Variants in CCSER1 observed in about 807,000 individuals in gnomAD.
CCSER1 encodes the protein serine-rich coiled-coil domain-containing protein 1.
CCSER1 carries 41 observed loss-of-function variants against 82.0 expected under a neutral mutation model. That is an observed-to-expected ratio of 0.50 (90% CI 0.39 to 0.65). CCSER1 has a LOEUF of 0.65. Among genes scored for constraint, CCSER1 ranks in the 30% least tolerant of loss-of-function variants. CCSER1 has a pLI of 0.00. For missense variants in CCSER1, 1,119 were observed against 1,064.2 expected (o/e 1.05, Z -0.72); for synonymous variants, 414 against 383.9 (o/e 1.08, Z -0.92).
intron 10 of CCSER1, among the ~76,000 whole-genome samples, chr4:91,311,818 A>T (rs1433827765): frequency 6.6e-6 from 1 of 151,880 alleles, no homozygotes; most frequent in Non-Finnish European, 1.5e-5. Context: ...ATGCACATAG[A>T]CATCTTTTCA....
At chr4:90,343,355 A>C (rs1223533272) in intron 3 of CCSER1, among the ~76,000 whole-genome samples, 2 of 152,164 alleles carry the variant, frequency 1.3e-5, no homozygotes, top group Non-Finnish European at 2.9e-5. Flanking sequence ...CCTTAAAACT[A>C]GACTCTAGGC....
chr4:90,772,587 G>A (rs1752344027), intron 7 of CCSER1, among the ~76,000 whole-genome samples: 1 of 152,032 alleles, frequency 6.6e-6, no homozygotes, highest in East Asian at 1.9e-4. Context: ...TTCATACTTG[G>A]AAATGTTTCC....
chr4:90,253,696 C>A (rs773134254), intron 1 of CCSER1, among the ~76,000 whole-genome samples: 9 of 152,116 alleles, frequency 5.9e-5, no homozygotes, highest in Non-Finnish European at 1.2e-4. Context: ...TCCATTTCCC[C>A]AATGGGATTC....
At chr4:90,516,378 G>A (rs1387612628) in intron 5 of CCSER1, among the ~76,000 whole-genome samples, 1 of 152,128 alleles carries the variant, frequency 6.6e-6, no homozygotes, top group Non-Finnish European at 1.5e-5. Flanking sequence ...CATTATTTAA[G>A]GGATGGTGTA....
At chr4:91,059,698 T>C (rs1448991226) in intron 9 of CCSER1, among the ~76,000 whole-genome samples, 4 of 151,956 alleles carry the variant, frequency 2.6e-5, no homozygotes, top group South Asian at 4.2e-4. Flanking sequence ...CATATTTCCA[T>C]TTTTTGTGAC....
At chr4:90,944,284 G>A (rs896519506) in intron 9 of CCSER1, among the ~76,000 whole-genome samples, 4 of 151,390 alleles carry the variant, frequency 2.6e-5, no homozygotes, top group South Asian at 2.1e-4. Flanking sequence ...TGTATCCATT[G>A]GAAATTTATT....
chr4:90,225,632 G>C (rs1743026533), intron 1 of CCSER1, among the ~76,000 whole-genome samples: 1 of 152,158 alleles, frequency 6.6e-6, no homozygotes, highest in Non-Finnish European at 1.5e-5. Context: ...ATAGCAATAA[G>C]ATTCTAAAGC....
At chr4:90,579,828 G>A (rs1272169681) in intron 5 of CCSER1, among the ~76,000 whole-genome samples, 4 of 152,052 alleles carry the variant, frequency 2.6e-5, no homozygotes, top group Admixed American at 6.5e-5. Flanking sequence ...AAGACTTCTT[G>A]TGGAGACTGG....
At chr4:90,963,011 C>T (rs959897356) in intron 9 of CCSER1, among the ~76,000 whole-genome samples, 4 of 151,996 alleles carry the variant, frequency 2.6e-5, no homozygotes, top group East Asian at 3.9e-4. Flanking sequence ...GTTTTAAATC[C>T]GAATACCATT....
At chr4:90,874,382 T>C (rs1284471417) in intron 8 of CCSER1, among the ~76,000 whole-genome samples, 1 of 152,122 alleles carries the variant, frequency 6.6e-6, no homozygotes, top group African/African-American at 2.4e-5. Context: ...CTTTTGTTCT[T>C]ATTTTTGTGA....
At chr4:90,572,113 G>C (rs1780186457) in intron 5 of CCSER1, among the ~76,000 whole-genome samples, 1 of 152,158 alleles carries the variant, frequency 6.6e-6, no homozygotes, top group Non-Finnish European at 1.5e-5. Context: ...CTGAAGTACA[G>C]ACTTGCTTAG....
intron 5 of CCSER1, among the ~76,000 whole-genome samples, chr4:90,606,913 T>G (rs1438964232): frequency 6.6e-6 from 1 of 152,220 alleles, no homozygotes; most frequent in Non-Finnish European, 1.5e-5. Context: ...CCACACCAAA[T>G]AGTTATCTTT....
At chr4:91,131,022 T>A (rs549046370) in intron 10 of CCSER1, among the ~76,000 whole-genome samples, 1 of 151,886 alleles carries the variant, frequency 6.6e-6, no homozygotes, top group Admixed American at 6.6e-5. Flanking sequence ...TCTGTATATG[T>A]TTGCATGTAT....
intron 5 of CCSER1, among the ~76,000 whole-genome samples, chr4:90,469,426 T>C (rs1764055824): frequency 6.6e-6 from 1 of 151,998 alleles, no homozygotes; most frequent in African/African-American, 2.4e-5. Context: ...CATATAGTCT[T>C]AATTTTTAAG....
chr4:90,490,402 A>T (rs968393684), intron 5 of CCSER1, among the ~76,000 whole-genome samples: 6 of 152,014 alleles, frequency 3.9e-5, no homozygotes, highest in African/African-American at 1.2e-4. Context: ...GTTTGAGTTC[A>T]TTGTAGATTC....
intron 10 of CCSER1, among the ~76,000 whole-genome samples, chr4:91,162,774 A>G (rs1046781501): frequency 2.0e-5 from 3 of 152,134 alleles, no homozygotes; most frequent in African/African-American, 7.2e-5. Flanking sequence ...ATTGGTGGTC[A>G]TATCCCCTTT....
intron 10 of CCSER1, among the ~76,000 whole-genome samples, chr4:91,223,013 G>A (rs560814376): frequency 4.6e-5 from 7 of 151,958 alleles, no homozygotes; most frequent in African/African-American, 1.7e-4. Context: ...TGATTTATAA[G>A]ATATTAGTTG....
chr4:90,652,462 A>G (rs1728929984), intron 6 of CCSER1, among the ~76,000 whole-genome samples: 1 of 152,124 alleles, frequency 6.6e-6, no homozygotes, highest in African/African-American at 2.4e-5. Flanking sequence ...GTCTGTTTGC[A>G]TGTGTTGGAG....
intron 1 of CCSER1, among the ~76,000 whole-genome samples, chr4:90,155,455 T>C (rs1727910464): frequency 6.6e-6 from 1 of 152,216 alleles, no homozygotes; most frequent in Non-Finnish European, 1.5e-5. Flanking sequence ...GAAGGAATGG[T>C]ACCAGTTCCT....
Sources: gnomAD v4.1 joint callset for allele counts (sites outside exome capture counted in the v4.1 genomes callset) on GRCh38, gnomAD v4.1.1 for gene constraint, MANE v1.5 for transcripts, NCBI Gene and HGNC (gene_info 2026-07-23, HGNC 2026-07-21) for gene names.